RELL1: variants seen among roughly 807,000 people sequenced by gnomAD.
RELL1 encodes RELT like 1, also known as RELT-like protein 1.
A neutral mutation model predicts 23.0 loss-of-function variants in RELL1; 10 were observed. The observed-to-expected ratio is 0.43, with a 90% CI of 0.27 to 0.74. The LOEUF is 0.74. RELL1 is among the 30% of genes least tolerant of loss of function. RELL1 has a pLI of 0.19. For missense variants in RELL1, 315 were observed against 364.4 expected, an observed-to-expected ratio of 0.86 and a Z score of 1.10; for synonymous variants, 146 against 146.8, an observed-to-expected ratio of 0.99 and a Z score of 0.04.
At chr4:37,672,526 A>G (rs888126033) in intron 1 of RELL1, among the ~76,000 whole-genome samples, 2 of 152,142 alleles carry the variant, frequency 1.3e-5, no homozygotes, top group African/African-American at 2.4e-5. Context: ...AACCTTCTCA[A>G]TCACAGGTTT....
chr4:37,635,180 T>A, intron 4 of RELL1, 57 bp from the exon 5 acceptor site: 1 of 1,357,276 alleles, frequency 7.4e-7, no homozygotes, highest in African/African-American at 1.4e-5. Context: ...TCAGCGAAGG[T>A]GATCTCTCTC....
At chr4:37,587,443 C>T (rs567926591), downstream of RELL1, among the ~76,000 whole-genome samples, 13 of 152,134 alleles carry the variant, frequency 8.5e-5, no homozygotes, top group Non-Finnish European at 1.8e-4. Context: ...TAAATCTAGT[C>T]CCTTTTAACT....
At chr4:37,636,522 A>G (rs6824392) in intron 4 of RELL1, among the ~76,000 whole-genome samples, 94,027 of 150,598 alleles carry the variant, frequency 0.62, 29,808 homozygotes, top group Middle Eastern at 0.73. Flanking sequence ...GTGAACCCGG[A>G]AGGCGGAGCT....
chr4:37,610,897 G>A lies in RELL1; in HGVS notation c.*2449C>T, dbSNP rs116408552. Among the ~76,000 whole-genome samples, 6,547 of 152,190 alleles carry A rather than the reference G, an allele frequency of 0.043. 238 individuals are homozygous for A. The highest frequency in any genetic ancestry group is 0.062 in the Non-Finnish European group (4,197 of 68,006). ...GACCTGTAAACATCAGTTGCTTTGGGAACACAGGAATTCTCATCAGATAGT... is the reference window on the plus strand; with the variant it reads ...GACCTGTAAACATCAGTTGCTTTGGAAACACAGGAATTCTCATCAGATAGT... On this transcript the variant is annotated 3_prime_UTR_variant, in exon 7 of 7. Transcript: ENST00000454158. This position sits in a 1 kb window ranked among gnomAD's most constrained non-coding sequence, Gnocchi z 4.1.
chr4:37,620,115 G>T (rs1202464960), intron 6 of RELL1, among the ~76,000 whole-genome samples: 3 of 152,106 alleles, frequency 2.0e-5, no homozygotes, highest in Non-Finnish European at 4.4e-5. Context: ...GGTCAATTCA[G>T]GAAAAATAAT....
intron 1 of RELL1, among the ~76,000 whole-genome samples, chr4:37,672,491 G>A (rs955462156): frequency 1.3e-5 from 2 of 152,166 alleles, no homozygotes; most frequent in African/African-American, 4.8e-5. Context: ...TCAAGATGCA[G>A]CACTGAACCA....
intron 6 of RELL1, among the ~76,000 whole-genome samples, chr4:37,620,001 A>G (rs1719715016): frequency 6.6e-6 from 1 of 152,200 alleles, no homozygotes; most frequent in Non-Finnish European, 1.5e-5. Context: ...TGACTACTAC[A>G]TCTTCCATGA....
intron 6 of RELL1, among the ~76,000 whole-genome samples, chr4:37,595,765 G>T (rs1718817039): frequency 6.6e-6 from 1 of 152,130 alleles, no homozygotes; most frequent in Admixed American, 6.5e-5. Flanking sequence ...GCTGCTGAAG[G>T]TTTGGTCTCT....
intron 6 of RELL1, among the ~76,000 whole-genome samples, chr4:37,599,196 T>TAACA (rs1230895209): frequency 6.6e-6 from 1 of 152,188 alleles, no homozygotes; most frequent in Non-Finnish European, 1.5e-5. Flanking sequence ...CAAGGCCTTG[T>TAACA]AACCATAATA....
chr4:37,628,942 TCAGA>T lies in RELL1; in HGVS notation c.*3+2439_*3+2442del, dbSNP rs1367839304. Among the ~76,000 whole-genome samples the T allele has an allele frequency of 2.6e-5, 4 of 151,408 alleles. No homozygotes were observed. In the East Asian group the frequency reaches 5.8e-4, roughly 22 times the overall value. On this transcript the variant is annotated intron_variant, in intron 6 of 6. Transcript: ENST00000454158. ...TTGGACCAAATTTCTATAATCAGAA[TCAGA>T]CAGATTCGGGCCAAAAAAACCAGCT... is the stretch of plus-strand genomic sequence containing the variant.
At chr4:37,628,689 T>C (rs1486873662) in intron 6 of RELL1, among the ~76,000 whole-genome samples, 1 of 152,194 alleles carries the variant, frequency 6.6e-6, no homozygotes, top group Non-Finnish European at 1.5e-5. Flanking sequence ...CATTCCAGAC[T>C]TTCTCTTGGC....
At chr4:37,601,622 A>C (rs1719017753) in intron 6 of RELL1, among the ~76,000 whole-genome samples, 1 of 152,198 alleles carries the variant, frequency 6.6e-6, no homozygotes, top group African/African-American at 2.4e-5. Context: ...GGGTTTGCAA[A>C]AGCATTTCAC....
At chr4:37,604,874 C>G (rs1239541290) in intron 6 of RELL1, among the ~76,000 whole-genome samples, 9 of 98,228 alleles carry the variant, frequency 9.2e-5, no homozygotes, top group African/African-American at 2.3e-4. Context: ...CAGACACACA[C>G]ACACATACAC....
intron 1 of RELL1, among the ~76,000 whole-genome samples, chr4:37,658,925 C>G (rs960325020): frequency 6.6e-6 from 1 of 152,122 alleles, no homozygotes; most frequent in African/African-American, 2.4e-5. Flanking sequence ...ACCAGATAAA[C>G]AACAAAAAAC....
At chr4:37,660,895 G>C (rs1395536594) in intron 1 of RELL1, among the ~76,000 whole-genome samples, 1 of 152,048 alleles carries the variant, frequency 6.6e-6, no homozygotes, top group Non-Finnish European at 1.5e-5. Flanking sequence ...GCCAGGCATG[G>C]TGGCGGGCGC....
rs189748034 is a variant in RELL1 at position 37,611,431 on chromosome 4, T to C, written c.*1915A>G. The stretch of plus-strand genomic sequence containing the variant: ...CTCATGAAACTAAATTCCCCATTTA[T>C]TTAAAAGGTTAGAAATGTTTAGTTT... On this transcript the variant is annotated 3_prime_UTR_variant, in exon 7 of 7. Transcript: ENST00000454158. Among the ~76,000 whole-genome samples the C allele has an allele frequency of 6.6e-6, 1 of 152,342 alleles. No homozygotes were observed. The highest frequency in any genetic ancestry group is 2.4e-5 in the African/African-American group (1 of 41,588).
At chr4:37,622,798 G>GTTTTTTTTT (rs771576367) in intron 6 of RELL1, 4 of 418,330 alleles carry the variant, frequency 9.6e-6, no homozygotes, top group Non-Finnish European at 1.4e-5. Context: ...CTCAAGTAAT[G>GTTTTTTTTT]CTTTTTTTTT....
rs1282561594 is a variant in RELL1, at chr4:37,612,025, A to C, written c.*1321T>G. Among the ~76,000 whole-genome samples, 1 of 151,836 alleles carries C rather than the reference A, an allele frequency of 6.6e-6. No individual in the cohort carries two copies. The highest frequency in any genetic ancestry group is 1.5e-5 in the Non-Finnish European group (1 of 67,954). On this transcript the variant is annotated 3_prime_UTR_variant, in exon 7 of 7. Transcript: ENST00000454158. The stretch of plus-strand genomic sequence containing the variant: ...CCCGTCTCTCCTAAAAATACAAAAA[A>C]AATAAGCCAAGCGTGGTGGTGGGCA...
At position 37,633,957 on chromosome 4, in the gene RELL1, G is replaced by A. The variant is rs948825912; in HGVS notation, c.680+930C>T. ...ATACTGAGAGAGAAGGATCATGTAA[G>A]CAGCACTGTTGACTTTCGCTCAGTG... On this transcript the variant is annotated intron_variant, in intron 5 of 6. Transcript: ENST00000454158. Among the ~76,000 whole-genome samples, 5 of 152,230 alleles carry A rather than the reference G, an allele frequency of 3.3e-5. No homozygotes were observed. The South Asian group carries it at 1.0e-3, about 31-fold the overall frequency.
Sources: allele counts gnomAD v4.1 joint callset (sites outside exome capture counted in the v4.1 genomes callset), GRCh38; gene constraint gnomAD v4.1.1; non-coding constraint Gnocchi (gnomAD v3.1); transcripts MANE v1.5; gene names NCBI Gene and HGNC (gene_info 2026-07-23, HGNC 2026-07-21).